ZDHHC11: variants seen among roughly 807,000 people sequenced by gnomAD.
ZDHHC11 encodes zDHHC palmitoyltransferase 11.
ZDHHC11 carries 44 observed loss-of-function variants against 51.3 expected under a neutral mutation model. That is an observed-to-expected ratio of 0.86 (90% CI 0.67 to 1.10). The LOEUF (loss-of-function observed/expected upper bound fraction) is 1.10. Ranked by LOEUF, ZDHHC11 falls within the 50% of genes least tolerant of loss-of-function variation. The probability of loss-of-function intolerance (pLI) is 0.00; values close to 1 mark genes in which losing one functional copy is unlikely to be tolerated. For missense variants in ZDHHC11, 400 were observed against 537.7 expected (o/e 0.74, Z 2.53); for synonymous variants, 163 against 222.0 (o/e 0.73, Z 2.36).
intron 1 of ZDHHC11, 101 bp from the exon 2 acceptor site, chr5:848,761 C>T (rs1746656994): frequency 5.3e-6 from 8 of 1,504,852 alleles, no homozygotes; most frequent in Non-Finnish European, 7.2e-6. Context: ...CGCTGGTCAG[C>T]CCTGCTCACC....
chr5:832,235 A>G (rs1478733940), intron 7 of ZDHHC11, among the ~76,000 whole-genome samples: 3 of 103,408 alleles, frequency 2.9e-5, no homozygotes, highest in Admixed American at 9.5e-5. Flanking sequence ...TATCTCACTT[A>G]TAAGTGGGAG....
At position 828,019 on chromosome 5, in the gene ZDHHC11, G is replaced by C. The variant is rs370777443; in HGVS notation, c.936-2768C>G. Among the ~76,000 whole-genome samples the C allele has an allele frequency of 7.1e-3, 1,075 of 151,270 alleles. 34 individuals are homozygous for C. Among genetic ancestry groups the C allele is most frequent in the African/African-American group, 0.025 (1,031 of 41,054 alleles). ...GCCCTTAATCCATTTAACCCTGAGT[G>C]GACACAGCACATGTTTCAGAGAGCA... On this transcript the variant is annotated intron_variant, in intron 7 of 12. Coordinates refer to ENST00000283441, the MANE Select transcript of ZDHHC11 (RefSeq NM_024786.3).
intron 4 of ZDHHC11, chr5:843,358 TG>T: frequency 1.5e-6 from 1 of 661,312 alleles, no homozygotes; most frequent in Non-Finnish European, 2.5e-6. Flanking sequence ...TGACACGACC[TG>T]GCAGCATCTA....
upstream of ZDHHC11, among the ~76,000 whole-genome samples, chr5:851,828 T>G (rs1393511686): frequency 2.0e-5 from 3 of 152,150 alleles, no homozygotes; most frequent in Non-Finnish European, 4.4e-5. Context: ...AGCCGAGGCG[T>G]GCCTATCACC....
chr5:841,110 G>A, intron 4 of ZDHHC11: 3 of 941,388 alleles, frequency 3.2e-6, no homozygotes, highest in East Asian at 2.3e-4. Flanking sequence ...CTAAGTGCCA[G>A]GGTCACAGCA....
chr5:804,197 A>T (rs1738905460), intron 11 of ZDHHC11, among the ~76,000 whole-genome samples: 1 of 151,342 alleles, frequency 6.6e-6, no homozygotes, highest in Non-Finnish European at 1.5e-5. Flanking sequence ...CACAAGTTTT[A>T]AATTGTGTGT....
At chr5:803,087 A>C (rs1472542530) in intron 11 of ZDHHC11, among the ~76,000 whole-genome samples, 1 of 150,892 alleles carries the variant, frequency 6.6e-6, no homozygotes, top group African/African-American at 2.4e-5. Context: ...TGAGCCAGCT[A>C]CCGCCTCGAT....
At chr5:804,745 C>T (rs1168674471) in intron 11 of ZDHHC11, among the ~76,000 whole-genome samples, 6 of 151,264 alleles carry the variant, frequency 4.0e-5, no homozygotes, top group Non-Finnish European at 7.4e-5. Context: ...ACCAAGAATT[C>T]TATATGTGAC....
chr5:845,122 G>T (rs1223348661), intron 3 of ZDHHC11, among the ~76,000 whole-genome samples: 2 of 152,292 alleles, frequency 1.3e-5, no homozygotes, highest in African/African-American at 4.8e-5. Flanking sequence ...CCCTCCAAGA[G>T]TCTTCTGGAT....
intron 11 of ZDHHC11, among the ~76,000 whole-genome samples, chr5:804,187 C>T (rs1296469443): frequency 6.6e-6 from 1 of 151,246 alleles, no homozygotes; most frequent in Non-Finnish European, 1.5e-5. Context: ...ATAAACAATT[C>T]ACAAGTTTTA....
chr5:847,188 G>A (rs1746375280), intron 3 of ZDHHC11, among the ~76,000 whole-genome samples: 2 of 151,748 alleles, frequency 1.3e-5, no homozygotes, highest in Admixed American at 6.6e-5. Flanking sequence ...TGCTGGATGA[G>A]CCTCAGCCTG....
At chr5:802,488 T>A (rs928040130) in intron 11 of ZDHHC11, among the ~76,000 whole-genome samples, 1 of 144,796 alleles carries the variant, frequency 6.9e-6, no homozygotes, top group Non-Finnish European at 1.5e-5. Context: ...TGTAGATAAT[T>A]GTGTTGTAAA....
chr5:841,691 A>G, intron 4 of ZDHHC11: 4 of 990,744 alleles, frequency 4.0e-6, no homozygotes, highest in Non-Finnish European at 4.8e-6. Context: ...GCCTGGGGTC[A>G]TTTCTAAGAT....
intron 3 of ZDHHC11, among the ~76,000 whole-genome samples, chr5:844,146 C>A (rs191950970): frequency 0.069 from 10,409 of 150,990 alleles, 245 homozygotes; most frequent in African/African-American, 0.13. Context: ...GCCTCAAACC[C>A]TGCTCCCGAC....
chr5:852,573 C>A (rs1427098488), upstream of ZDHHC11, among the ~76,000 whole-genome samples: 1 of 151,354 alleles, frequency 6.6e-6, no homozygotes, highest in Non-Finnish European at 1.5e-5. Flanking sequence ...CCACGGAGGA[C>A]AATGAGCAGC....
At chr5:808,096 G>A (rs1739536111) in intron 11 of ZDHHC11, among the ~76,000 whole-genome samples, 1 of 150,430 alleles carries the variant, frequency 6.6e-6, no homozygotes, top group Non-Finnish European at 1.5e-5. Context: ...CTCCTAAGTG[G>A]ACTGAAAGAC....
At chr5:842,793 C>T in intron 4 of ZDHHC11, 1 of 762,170 alleles carries the variant, frequency 1.3e-6, no homozygotes. Flanking sequence ...GCTGCCTCCG[C>T]AGGGTCCAGG....
intron 11 of ZDHHC11, among the ~76,000 whole-genome samples, chr5:806,031 A>G (rs1376674688): frequency 6.6e-6 from 1 of 151,278 alleles, no homozygotes; most frequent in East Asian, 1.9e-4. Flanking sequence ...TCAGGACACC[A>G]GAGGTGTGGC....
chr5:845,820 AC>A (rs1746063889), intron 3 of ZDHHC11, among the ~76,000 whole-genome samples: 1 of 149,836 alleles, frequency 6.7e-6, no homozygotes, highest in African/African-American at 2.5e-5. Flanking sequence ...GGCGCCCATG[AC>A]CCCGGCCCTG....
Sources: gnomAD v4.1 joint callset for allele counts (sites outside exome capture counted in the v4.1 genomes callset) on GRCh38, gnomAD v4.1.1 for gene constraint, MANE v1.5 for transcripts, NCBI Gene and HGNC (gene_info 2026-07-23, HGNC 2026-07-21) for gene names.